CMIP: variants seen among roughly 807,000 people sequenced by gnomAD.
CMIP encodes c-Maf inducing protein.
CMIP carries 13 observed loss-of-function variants against 97.3 expected under a neutral mutation model. The ratio of observed to expected loss-of-function variants is 0.13; its 90% CI spans 0.09 to 0.21. The LOEUF is 0.21. CMIP is among the 10% of genes least tolerant of loss of function. The pLI is 1.00. For missense variants in CMIP, 847 were observed against 1,024.9 expected (o/e 0.83, Z 2.37); for synonymous variants, 538 against 436.3 (o/e 1.23, Z -2.91).
intron 1 of CMIP, among the ~76,000 whole-genome samples, chr16:81,500,272 G>GTCCTTCCTTCCTTCCGTCCTTCCT (rs1555523514): frequency 4.6e-5 from 3 of 64,836 alleles, no homozygotes; most frequent in East Asian, 1.2e-3. Flanking sequence ...CCTTCCTTCC[G>GTCCTTCCTTCCTTCCGTCCTTCCT]TCCTTCCTTC....
chr16:81,683,251 A>G (rs1905053821), intron 10 of CMIP, among the ~76,000 whole-genome samples: 1 of 152,210 alleles, frequency 6.6e-6, no homozygotes, highest in African/African-American at 2.4e-5. Context: ...CACTGGGGCC[A>G]CAGGGGTAGG....
intron 1 of CMIP, among the ~76,000 whole-genome samples, chr16:81,565,203 C>A (rs958381609): frequency 6.6e-6 from 1 of 152,158 alleles, no homozygotes; most frequent in Non-Finnish European, 1.5e-5. Flanking sequence ...AGTATGTGAA[C>A]TTCAGCCCAA....
At chr16:81,459,326 C>G (rs1260990596) in intron 1 of CMIP, among the ~76,000 whole-genome samples, 1 of 152,174 alleles carries the variant, frequency 6.6e-6, no homozygotes, top group Non-Finnish European at 1.5e-5. Context: ...AAGGGAAGCT[C>G]TTCTTGGGTG....
chr16:81,675,759 G>C (rs1308222077), intron 9 of CMIP, among the ~76,000 whole-genome samples: 1 of 152,210 alleles, frequency 6.6e-6, no homozygotes, highest in Non-Finnish European at 1.5e-5. Context: ...GAGTTGGAGA[G>C]GAGAGAGTGC....
intron 1 of CMIP, among the ~76,000 whole-genome samples, chr16:81,456,579 A>AGG (rs543555759): frequency 2.5e-3 from 385 of 152,312 alleles, no homozygotes; most frequent in African/African-American, 7.9e-3. Context: ...AATCCTCACG[A>AGG]TGCCCCTGCG....
In CMIP at chr16:81,482,629, C is replaced by T. The variant is rs117071154; in HGVS notation, c.300+37088C>T. ...GTTGGGGAAGCCCCTGCCCCTCCCCCACCTAGGAGCTTCCCTTTCACAGTG... is the reference window on the plus strand; with the variant it reads ...GTTGGGGAAGCCCCTGCCCCTCCCCTACCTAGGAGCTTCCCTTTCACAGTG... On this transcript the variant is annotated intron_variant, in intron 1 of 20. Transcript: ENST00000537098. Among the ~76,000 whole-genome samples, 585 of 152,296 alleles carry T rather than the reference C, an allele frequency of 3.8e-3. 3 individuals carry two copies. Among genetic ancestry groups the T allele is most frequent in the Non-Finnish European group, 5.6e-3 (380 of 68,016 alleles).
chr16:81,682,551 G>A (rs954706658), intron 10 of CMIP, among the ~76,000 whole-genome samples: 1 of 151,842 alleles, frequency 6.6e-6, no homozygotes, highest in Non-Finnish European at 1.5e-5. Context: ...GGCAACAAGA[G>A]CGAGACTCCC....
intron 1 of CMIP, among the ~76,000 whole-genome samples, chr16:81,459,989 C>G (rs1467537379): frequency 6.6e-6 from 1 of 152,188 alleles, no homozygotes; most frequent in Non-Finnish European, 1.5e-5. Context: ...TCCCAGTGTC[C>G]CCTCCAGTGG....
chr16:81,465,236 C>T (rs1192401221), intron 1 of CMIP, among the ~76,000 whole-genome samples: 1 of 152,156 alleles, frequency 6.6e-6, no homozygotes, highest in African/African-American at 2.4e-5. Flanking sequence ...GTAGGGTGTT[C>T]ATTTGCATGT....
At position 81,703,995 on chromosome 16, in the gene CMIP, C is replaced by G; in HGVS notation, c.2001C>G (p.Leu667=). 1.2e-6 allele frequency: 2 copies of G among 1,602,890 alleles called. No homozygotes were observed. The highest frequency in any genetic ancestry group is 1.7e-6 in the Non-Finnish European group (2 of 1,175,554). The change falls in exon 18 of 21, where the codon CTC becomes CTG. Residue 667 remains leucine (L), a synonymous_variant. Transcript: ENST00000537098. The part of the protein sequence containing the change: ...SSGSFGNLEN[L]SLAFTNVTSA... ...GCTCCTTCGGAAACCTGGAGAACCT[C>G]AGTTTGGCCTTCACCAATGTAACCA...
chr16:81,500,158 T>C (rs1387532970), intron 1 of CMIP, among the ~76,000 whole-genome samples: 1 of 152,188 alleles, frequency 6.6e-6, no homozygotes, highest in Non-Finnish European at 1.5e-5. Flanking sequence ...TGGTGCGCAG[T>C]CCTGCCTGAG....
chr16:81,664,163 C>A, intron 6 of CMIP, 106 bp from the exon 7 acceptor site: 1 of 1,039,346 alleles, frequency 9.6e-7, no homozygotes, highest in Non-Finnish European at 1.4e-6. Flanking sequence ...TCAAGGGAAC[C>A]CAGGCACCCA....
rs149953663 is a variant in CMIP at position 81,566,029 on chromosome 16, T to A, written c.301-41538T>A. The stretch of plus-strand genomic sequence containing the variant: ...AACTCGGGAGGCCGAGGCAAATAGT[T>A]GGTTCTTTGAGGCTGAAATTGGGCA... On this transcript the variant is annotated intron_variant, in intron 1 of 20. Coordinates refer to ENST00000537098, the MANE Select transcript of CMIP (RefSeq NM_198390.3). 2.7e-3 allele frequency among the ~76,000 whole-genome samples: 417 copies of A among 152,080 alleles called. 1 individual carries two copies. The highest frequency in any genetic ancestry group is 3.1e-3 in the Non-Finnish European group (209 of 67,976).
intron 1 of CMIP, among the ~76,000 whole-genome samples, chr16:81,491,745 G>A (rs1403161108): frequency 2.0e-5 from 3 of 152,186 alleles, no homozygotes. Context: ...CTGAACTCGG[G>A]AGCTGGATGG....
chr16:81,482,111 G>A (rs890972102), intron 1 of CMIP, among the ~76,000 whole-genome samples: 16 of 152,006 alleles, frequency 1.1e-4, no homozygotes, highest in South Asian at 2.1e-4. Context: ...ACTACTGACC[G>A]CAAGTGATCC....
At position 81,670,286 on chromosome 16, in the gene CMIP, A is replaced by G. The variant is rs755335178; in HGVS notation, c.929+41A>G. 6 of 1,567,840 alleles carry G rather than the reference A, an allele frequency of 3.8e-6. No individual in the cohort carries two copies. In the African/African-American group the frequency reaches 5.4e-5, roughly 14 times the overall value. On this transcript the variant is annotated intron_variant, in intron 8 of 20. Transcript: ENST00000537098. ...GACGTCCCTCTGTGGCCTAGGAGCC[A>G]CTTTCCTCTCGGATCCTGTTTACTC...
intron 5 of CMIP, among the ~76,000 whole-genome samples, chr16:81,658,576 A>C (rs1474350614): frequency 6.6e-6 from 1 of 152,282 alleles, no homozygotes; most frequent in Non-Finnish European, 1.5e-5. Context: ...TGAAGGATCA[A>C]TAGGAGTTTT....
chr16:81,527,332 A>G (rs935479786), intron 1 of CMIP, among the ~76,000 whole-genome samples: 5 of 152,178 alleles, frequency 3.3e-5, no homozygotes, highest in African/African-American at 1.2e-4. Context: ...AATAATGATA[A>G]TGCCTGATGG....
chr16:81,499,099 C>A (rs950411814), intron 1 of CMIP, among the ~76,000 whole-genome samples: 6 of 151,460 alleles, frequency 4.0e-5, no homozygotes. Flanking sequence ...TGTAGAGAAG[C>A]TAGATCGTGT....
Sources: allele counts gnomAD v4.1 joint callset (sites outside exome capture counted in the v4.1 genomes callset), GRCh38; gene constraint gnomAD v4.1.1; transcripts MANE v1.5; gene names NCBI Gene and HGNC (gene_info 2026-07-23, HGNC 2026-07-21).